SLC24A2: variants seen among roughly 807,000 people sequenced by gnomAD.
SLC24A2 encodes the protein sodium/potassium/calcium exchanger 2.
Under a neutral mutation model 62.0 loss-of-function variants are expected in SLC24A2, and 36 were observed. That is an observed-to-expected ratio of 0.58 (90% CI 0.44 to 0.77). The LOEUF is 0.77. Among genes scored for constraint, SLC24A2 ranks in the 30% least tolerant of loss-of-function variants. SLC24A2 has a pLI of 0.00. For missense variants in SLC24A2, 846 were observed against 817.9 expected, an observed-to-expected ratio of 1.03 and a Z score of -0.42; for synonymous variants, 358 against 294.0, an observed-to-expected ratio of 1.22 and a Z score of -2.23.
At chr9:20,230,218 C>G in the SLC24A2 span, among the ~76,000 whole-genome samples, 2 of 151,950 alleles carry the variant, frequency 1.3e-5, no homozygotes, top group Non-Finnish European at 2.9e-5. Context: ...CTTTATAGCA[C>G]CATGTTTTAT....
At chr9:19,757,196 G>A (rs982796943) in intron 2 of SLC24A2, among the ~76,000 whole-genome samples, 5 of 151,920 alleles carry the variant, frequency 3.3e-5, no homozygotes, top group Admixed American at 6.6e-5. Context: ...TTCCTTGAAG[G>A]CAAGACTGCG....
At chr9:19,718,632 C>T (rs966638373) in intron 2 of SLC24A2, among the ~76,000 whole-genome samples, 2 of 152,064 alleles carry the variant, frequency 1.3e-5, no homozygotes, top group African/African-American at 4.8e-5. Context: ...CTTATAGCAT[C>T]ACACGTTACT....
intron 7 of SLC24A2, among the ~76,000 whole-genome samples, chr9:19,561,716 C>G (rs143011425): frequency 1.0e-3 from 159 of 152,288 alleles, no homozygotes; most frequent in African/African-American, 3.8e-3. Flanking sequence ...AGGCGTGAGC[C>G]ACTGCTCCTG....
At chr9:20,228,633 G>A in the SLC24A2 span, among the ~76,000 whole-genome samples, 1 of 152,100 alleles carries the variant, frequency 6.6e-6, no homozygotes, top group African/African-American at 2.4e-5. Flanking sequence ...GAAGAAGGGT[G>A]AACGCCCCAT....
chr9:20,303,553 C>CT, the SLC24A2 span, among the ~76,000 whole-genome samples: 2 of 152,120 alleles, frequency 1.3e-5, no homozygotes. Context: ...TGATAGCCCC[C>CT]AGCCCATACA....
At chr9:20,042,243 G>A in the SLC24A2 span, among the ~76,000 whole-genome samples, 1 of 152,296 alleles carries the variant, frequency 6.6e-6, no homozygotes, top group South Asian at 2.1e-4. Flanking sequence ...AGAAATGGTG[G>A]ACATTTGTGG....
At chr9:19,965,483 C>T in the SLC24A2 span, among the ~76,000 whole-genome samples, 1 of 152,132 alleles carries the variant, frequency 6.6e-6, no homozygotes, top group African/African-American at 2.4e-5. Context: ...TGATGCATTC[C>T]AGCTAAATAG....
chr9:19,619,759 C>G (rs1587048159), intron 3 of SLC24A2, 67 bp from the exon 4 acceptor site: 1 of 1,180,498 alleles, frequency 8.5e-7, no homozygotes. Flanking sequence ...TAGACAAGAT[C>G]CTCACCTAGT....
the SLC24A2 span, among the ~76,000 whole-genome samples, chr9:20,076,541 A>T: frequency 6.6e-6 from 1 of 151,968 alleles, no homozygotes; most frequent in African/African-American, 2.4e-5. Context: ...GGCAAGAAAG[A>T]CTCTCCTTCG....
chr9:20,251,654 C>T, the SLC24A2 span, among the ~76,000 whole-genome samples: 2 of 152,118 alleles, frequency 1.3e-5, no homozygotes, highest in African/African-American at 4.8e-5. Flanking sequence ...GTTAAGATAC[C>T]TTTAGCTGCA....
chr9:20,287,730 GC>G, the SLC24A2 span, among the ~76,000 whole-genome samples: 2 of 152,104 alleles, frequency 1.3e-5, no homozygotes, highest in Non-Finnish European at 1.5e-5. Flanking sequence ...TTAACACATT[GC>G]CTCTGTTGAT....
At position 19,636,400 on chromosome 9, in the gene SLC24A2, T is replaced by G. The variant is rs1476737350; in HGVS notation, c.931-14101A>C. 3.0e-3 allele frequency among the ~76,000 whole-genome samples: 278 copies of G among 91,952 alleles called. 23 individuals are homozygous for G. The highest frequency in any genetic ancestry group is 0.013 in the African/African-American group (263 of 20,464). 60.3% of individuals were successfully genotyped at this position (91,952 alleles called of 152,430 possible). A position where few individuals can be genotyped will look rare whatever the true frequency, so the allele number is the denominator to read the frequency against. The stretch of plus-strand genomic sequence containing the variant: ...CTTTCTTTCTTTCTCCCTCTCTCTC[T>G]CTCTCTCTTTCTTTCTTTCCTCTTC... On this transcript the variant is annotated intron_variant, in intron 2 of 10. Transcript: ENST00000341998.
chr9:19,901,922 G>C, the SLC24A2 span, among the ~76,000 whole-genome samples: 1 of 152,182 alleles, frequency 6.6e-6, no homozygotes, highest in African/African-American at 2.4e-5. Context: ...AATTGAATGT[G>C]ACTGAGCTGC....
At chr9:19,624,499 C>T (rs911286920) in intron 2 of SLC24A2, among the ~76,000 whole-genome samples, 1 of 152,074 alleles carries the variant, frequency 6.6e-6, no homozygotes, top group Non-Finnish European at 1.5e-5. Context: ...TATCGACTTC[C>T]TTTTTCTCTC....
At chr9:19,859,663 T>G in the SLC24A2 span, among the ~76,000 whole-genome samples, 1 of 152,156 alleles carries the variant, frequency 6.6e-6, no homozygotes, top group Admixed American at 6.5e-5. Flanking sequence ...ATACCTGGTT[T>G]TAATTTCATA....
the SLC24A2 span, among the ~76,000 whole-genome samples, chr9:19,966,242 G>C: frequency 6.6e-6 from 1 of 152,148 alleles, no homozygotes; most frequent in Non-Finnish European, 1.5e-5. Context: ...GTTTTGGATT[G>C]TGTCTAGCGT....
At chr9:19,524,170 C>G (rs1348273676) in intron 9 of SLC24A2, among the ~76,000 whole-genome samples, 1 of 142,496 alleles carries the variant, frequency 7.0e-6, no homozygotes, top group African/African-American at 2.6e-5. Flanking sequence ...GCAAATTAGG[C>G]CACTCAGAGG....
chr9:19,948,050 C>T, the SLC24A2 span, among the ~76,000 whole-genome samples: 4 of 152,168 alleles, frequency 2.6e-5, no homozygotes, highest in African/African-American at 9.7e-5. Flanking sequence ...GCAATCATCT[C>T]AAACATATTT....
At chr9:19,944,015 A>C in the SLC24A2 span, among the ~76,000 whole-genome samples, 1 of 152,228 alleles carries the variant, frequency 6.6e-6, no homozygotes, top group African/African-American at 2.4e-5. Flanking sequence ...CAAGAACAGA[A>C]AACCAAATAC....
Sources: gnomAD v4.1 joint callset for allele counts (sites outside exome capture counted in the v4.1 genomes callset) on GRCh38, gnomAD v4.1.1 for gene constraint, MANE v1.5 for transcripts, NCBI Gene and HGNC (gene_info 2026-07-23, HGNC 2026-07-21) for gene names.